TMEM163: variants seen among roughly 807,000 people sequenced by gnomAD.
TMEM163 encodes the protein transmembrane protein 163.
TMEM163 carries 17 observed loss-of-function variants against 29.3 expected under a neutral mutation model. The ratio of observed to expected loss-of-function variants is 0.58; its 90% CI spans 0.40 to 0.87. The LOEUF (loss-of-function observed/expected upper bound fraction) is 0.87, where lower values mean the gene tolerates loss of function less well. Among genes scored for constraint, TMEM163 ranks in the 40% least tolerant of loss-of-function variants. TMEM163 has a pLI of 0.00. For missense variants in TMEM163, 303 were observed against 381.5 expected, an observed-to-expected ratio of 0.79 and a Z score of 1.71; for synonymous variants, 157 against 160.6, an observed-to-expected ratio of 0.98 and a Z score of 0.17.
At chr2:134,537,560 G>T (rs1290593327) in intron 4 of TMEM163, among the ~76,000 whole-genome samples, 2 of 152,130 alleles carry the variant, frequency 1.3e-5, no homozygotes, top group Non-Finnish European at 2.9e-5. Flanking sequence ...ATCACACTGG[G>T]AATTAGGGCT....
intron 2 of TMEM163, among the ~76,000 whole-genome samples, chr2:134,559,911 T>C (rs563074694): frequency 8.5e-5 from 13 of 152,262 alleles, no homozygotes; most frequent in African/African-American, 3.1e-4. Context: ...CTTGTACACA[T>C]TGGCCTCCCT....
intron 2 of TMEM163, among the ~76,000 whole-genome samples, chr2:134,580,954 G>A (rs1681678135): frequency 6.6e-6 from 1 of 152,132 alleles, no homozygotes; most frequent in South Asian, 2.1e-4. Flanking sequence ...TGTGGATGGT[G>A]GTTCTGGGTT....
At chr2:134,473,445 G>A (rs1686848226) in intron 5 of TMEM163, among the ~76,000 whole-genome samples, 1 of 150,894 alleles carries the variant, frequency 6.6e-6, no homozygotes, top group Admixed American at 6.6e-5. Context: ...TGAGGCAGGA[G>A]AATCACTTGA....
chr2:134,522,859 C>T (rs554806245), intron 4 of TMEM163, among the ~76,000 whole-genome samples: 23 of 152,064 alleles, frequency 1.5e-4, no homozygotes, highest in East Asian at 9.7e-4. Context: ...AAACAAGGGG[C>T]GGGGGGAAAA....
At chr2:134,527,531 G>A (rs940909761) in intron 4 of TMEM163, among the ~76,000 whole-genome samples, 3 of 152,180 alleles carry the variant, frequency 2.0e-5, no homozygotes, top group Admixed American at 2.0e-4. Context: ...GGGAAGAGCA[G>A]CTGTGGCAGG....
rs541897255 is a variant in TMEM163, at chr2:134,676,879, T to C, written c.322+36321A>G. Among the ~76,000 whole-genome samples the C allele has an allele frequency of 2.0e-5, 3 of 152,278 alleles. No individual in the cohort carries two copies. In the South Asian group the frequency reaches 6.2e-4, roughly 32 times the overall value. On this transcript the variant is annotated intron_variant, in intron 2 of 7. Transcript: ENST00000281924. ...AAGCACCATAGGAGCCAGTGCTAAA[T>C]GAGAAAATTAACTACCCTCATGATT...
intron 5 of TMEM163, among the ~76,000 whole-genome samples, chr2:134,492,059 C>CA (rs1256511845): frequency 4.6e-5 from 7 of 152,232 alleles, no homozygotes; most frequent in Admixed American, 6.5e-5. Flanking sequence ...GGCCGTGGTT[C>CA]AGCAAAGGCT....
chr2:134,516,372 C>G (rs1233003053), intron 4 of TMEM163, among the ~76,000 whole-genome samples: 1 of 151,830 alleles, frequency 6.6e-6, no homozygotes, highest in Non-Finnish European at 1.5e-5. Context: ...ACTAGCCTGG[C>G]CAACATGGTG....
chr2:134,470,523 T>C (rs568964670), intron 5 of TMEM163, among the ~76,000 whole-genome samples: 2 of 152,316 alleles, frequency 1.3e-5, no homozygotes, highest in East Asian at 3.9e-4. Flanking sequence ...CAGCCACCCT[T>C]TGCTCCTAGG....
intron 2 of TMEM163, among the ~76,000 whole-genome samples, chr2:134,634,664 G>A: frequency 6.6e-6 from 1 of 152,210 alleles, no homozygotes; most frequent in South Asian, 2.1e-4. Context: ...CAATATGACA[G>A]GGATCCACCA....
At chr2:134,598,023 A>G (rs945487936) in intron 2 of TMEM163, among the ~76,000 whole-genome samples, 3 of 152,084 alleles carry the variant, frequency 2.0e-5, no homozygotes, top group African/African-American at 7.2e-5. Flanking sequence ...TAGTCTTGCT[A>G]GCAGTCTATC....
intron 2 of TMEM163, among the ~76,000 whole-genome samples, chr2:134,665,235 T>G (rs1383337020): frequency 6.6e-6 from 1 of 151,440 alleles, no homozygotes; most frequent in African/African-American, 2.4e-5. Context: ...GAAAAAGAGG[T>G]TTAATGGACT....
chr2:134,701,355 C>T (rs1684700319), intron 2 of TMEM163, among the ~76,000 whole-genome samples: 1 of 152,172 alleles, frequency 6.6e-6, no homozygotes. Flanking sequence ...ACCCAATTTA[C>T]ACCTCAGGAC....
chr2:134,516,708 T>TGA (rs1680071453), intron 4 of TMEM163, among the ~76,000 whole-genome samples: 1 of 111,214 alleles, frequency 9.0e-6, no homozygotes, highest in South Asian at 3.5e-4. Flanking sequence ...TATATTCATA[T>TGA]ATACATATAT....
rs1679204734 is a variant in TMEM163 at position 134,482,079 on chromosome 2, T to C, written c.556-15854A>G. 2.0e-5 allele frequency among the ~76,000 whole-genome samples: 3 copies of C among 152,198 alleles called. No homozygotes were observed. The South Asian group carries it at 6.2e-4, about 32-fold the overall frequency. ...AATTCTCATCTTCAAAGAAAATGTTTCTAGCTGGTCATCAGCCAATAGCAG... is the reference window on the plus strand; with the variant it reads ...AATTCTCATCTTCAAAGAAAATGTTCCTAGCTGGTCATCAGCCAATAGCAG... On this transcript the variant is annotated intron_variant, in intron 5 of 7. Transcript: ENST00000281924.
At chr2:134,556,606 G>A (rs953791875) in intron 2 of TMEM163, among the ~76,000 whole-genome samples, 2 of 152,136 alleles carry the variant, frequency 1.3e-5, no homozygotes, top group Middle Eastern at 3.2e-3. Context: ...CATCGCTTGA[G>A]GCCAGGAGTT....
chr2:134,643,214 T>C (rs1683259679), intron 2 of TMEM163, among the ~76,000 whole-genome samples: 1 of 152,116 alleles, frequency 6.6e-6, no homozygotes, highest in African/African-American at 2.4e-5. Flanking sequence ...ACAACAACTT[T>C]ATGTACCTGA....
chr2:134,666,247 TC>T (rs1683871426), intron 2 of TMEM163, among the ~76,000 whole-genome samples: 1 of 149,570 alleles, frequency 6.7e-6, no homozygotes, highest in Non-Finnish European at 1.5e-5. Context: ...TCTCCCCCAA[TC>T]CTTTCCCACC....
intron 2 of TMEM163, among the ~76,000 whole-genome samples, chr2:134,701,567 T>C (rs1684704986): frequency 1.3e-5 from 2 of 152,228 alleles, no homozygotes; most frequent in African/African-American, 4.8e-5. Flanking sequence ...ATCTCTTCTT[T>C]GAGGCATACC....
Sources: gnomAD v4.1 joint callset for allele counts (sites outside exome capture counted in the v4.1 genomes callset) on GRCh38, gnomAD v4.1.1 for gene constraint, MANE v1.5 for transcripts, NCBI Gene and HGNC (gene_info 2026-07-23, HGNC 2026-07-21) for gene names.